TP63: variants seen among roughly 807,000 people sequenced by gnomAD.
The protein encoded by TP63 is tumor protein p63.
Under a neutral mutation model 82.8 loss-of-function variants are expected in TP63, and 17 were observed. The ratio of observed to expected loss-of-function variants is 0.21; its 90% CI spans 0.14 to 0.31. TP63 has a LOEUF of 0.31. Ranked by LOEUF, TP63 falls within the 10% of genes least tolerant of loss-of-function variation. The probability of loss-of-function intolerance (pLI) is 1.00; values close to 1 mark genes in which losing one functional copy is unlikely to be tolerated. For missense variants in TP63, 648 were observed against 895.3 expected, an observed-to-expected ratio of 0.72 and a Z score of 3.52; for synonymous variants, 330 against 321.7, an observed-to-expected ratio of 1.03 and a Z score of -0.28.
At chr3:189,854,394 C>T (rs1352447258) in intron 4 of TP63, among the ~76,000 whole-genome samples, 1 of 151,874 alleles carries the variant, frequency 6.6e-6, no homozygotes, top group African/African-American at 2.4e-5. Flanking sequence ...CCACGCCCAG[C>T]TAATTTTTTT....
At chr3:189,842,831 A>G (rs1022309273) in intron 4 of TP63, among the ~76,000 whole-genome samples, 3 of 152,128 alleles carry the variant, frequency 2.0e-5, no homozygotes, top group Admixed American at 6.5e-5. Context: ...CCTTAACACG[A>G]GTACCTGCTG....
chr3:189,879,968 C>T (rs1719722968), intron 10 of TP63: 1 of 1,487,898 alleles, frequency 6.7e-7, no homozygotes, highest in African/African-American at 1.4e-5. Flanking sequence ...ATACTATGAT[C>T]ATGAAGGTAT....
chr3:189,819,813 G>A (rs1008740106), intron 4 of TP63, among the ~76,000 whole-genome samples: 5 of 130,318 alleles, frequency 3.8e-5, no homozygotes, highest in African/African-American at 1.4e-4. Flanking sequence ...GTGCAGTGGT[G>A]CCACCTGAGC....
At chr3:189,806,039 A>ATT (rs1726852428) in intron 3 of TP63, among the ~76,000 whole-genome samples, 1 of 54,840 alleles carries the variant, frequency 1.8e-5, no homozygotes, top group African/African-American at 9.4e-5. Flanking sequence ...AGAAGCAAAC[A>ATT]CTTTTTTTTT....
At chr3:189,773,605 T>C (rs1011075633) in intron 3 of TP63, among the ~76,000 whole-genome samples, 1 of 152,224 alleles carries the variant, frequency 6.6e-6, no homozygotes, top group Non-Finnish European at 1.5e-5. Flanking sequence ...GCCACATTAT[T>C]TTTTTAGGTA....
At chr3:189,655,744 G>A (rs1184144874) in intron 1 of TP63, among the ~76,000 whole-genome samples, 1 of 152,218 alleles carries the variant, frequency 6.6e-6, no homozygotes, top group Non-Finnish European at 1.5e-5. Context: ...AATTGTTTGA[G>A]GCTGTGTAGA....
intron 10 of TP63, among the ~76,000 whole-genome samples, chr3:189,875,306 G>A (rs941464193): frequency 5.3e-5 from 8 of 151,688 alleles, no homozygotes; most frequent in East Asian, 2.0e-4. Context: ...GGTGGCTCAC[G>A]CCTGTAATCC....
rs751236053 is a variant in TP63, at chr3:189,738,627, T to C, written c.192-15T>C. 10 of 1,614,062 alleles carry C rather than the reference T, an allele frequency of 6.2e-6. No homozygotes were observed. Among genetic ancestry groups the C allele is most frequent in the Non-Finnish European group, 8.5e-6 (10 of 1,179,986 alleles). ...TTTCCATGCCTAACTCACTTTTTTC[T>C]TTCCTATGTGTTAGGCCTATATGTT... On this transcript the variant is annotated splice_polypyrimidine_tract_variant and intron_variant, in intron 2 of 13. Transcript: ENST00000264731.
At chr3:189,725,403 A>G (rs1719698789) in intron 1 of TP63, among the ~76,000 whole-genome samples, 1 of 152,212 alleles carries the variant, frequency 6.6e-6, no homozygotes, top group African/African-American at 2.4e-5. Context: ...AAAAATTAAT[A>G]TATAAAAGGA....
chr3:189,738,613 A>G (rs1560147414), intron 2 of TP63, 29 bp from the exon 3 acceptor site: 2 of 1,613,628 alleles, frequency 1.2e-6, no homozygotes, highest in Non-Finnish European at 1.7e-6. Flanking sequence ...TTCCATGCCT[A>G]ACTCACTTTT....
intron 1 of TP63, among the ~76,000 whole-genome samples, chr3:189,658,517 A>G (rs918681463): frequency 6.6e-6 from 1 of 152,048 alleles, no homozygotes; most frequent in Non-Finnish European, 1.5e-5. Flanking sequence ...TGACAATTCA[A>G]GTAGATAGTA....
intron 4 of TP63, among the ~76,000 whole-genome samples, chr3:189,820,407 C>T (rs1348631170): frequency 1.3e-5 from 2 of 152,154 alleles, no homozygotes; most frequent in Non-Finnish European, 2.9e-5. Flanking sequence ...AATGTTTCTC[C>T]TTGCACAAGC....
At chr3:189,721,205 T>A (rs1408574218) in intron 1 of TP63, among the ~76,000 whole-genome samples, 1 of 152,180 alleles carries the variant, frequency 6.6e-6, no homozygotes, top group Non-Finnish European at 1.5e-5. Context: ...GTGAATAGAT[T>A]TTCTCAGATG....
At chr3:189,879,358 A>G (rs1223482351) in intron 10 of TP63, among the ~76,000 whole-genome samples, 1 of 152,186 alleles carries the variant, frequency 6.6e-6, no homozygotes, top group African/African-American at 2.4e-5. Context: ...TGGTGTAAAT[A>G]ATTTCTTAAT....
the TP63 span, among the ~76,000 whole-genome samples, chr3:189,597,472 G>T: frequency 2.6e-5 from 4 of 152,162 alleles, no homozygotes; most frequent in African/African-American, 9.7e-5. Context: ...ATATTATGTA[G>T]AATCTCAAAG....
chr3:189,868,112 CAAAG>C (rs549847712), intron 7 of TP63, among the ~76,000 whole-genome samples, 170 bp downstream of exon 7: 123 of 152,072 alleles, frequency 8.1e-4, no homozygotes, highest in African/African-American at 2.9e-3. Context: ...AAAGTGGAGA[CAAAG>C]GAAGGTGGGT....
chr3:189,691,232 G>A (rs961614214), intron 1 of TP63, among the ~76,000 whole-genome samples: 2 of 150,994 alleles, frequency 1.3e-5, no homozygotes, highest in African/African-American at 2.4e-5. Context: ...CCAGCTACTC[G>A]GGAGGCTGAC....
At chr3:189,643,325 T>A (rs980872873) in intron 1 of TP63, among the ~76,000 whole-genome samples, 9 of 152,214 alleles carry the variant, frequency 5.9e-5, no homozygotes, top group African/African-American at 1.9e-4. Flanking sequence ...TTGAGGACAG[T>A]CTATTCTCCC....
In TP63 at chr3:189,846,818, C is replaced by G. The variant is rs891244910; in HGVS notation, c.580-17414C>G. ...TCTCCTGCCTCAGACTTCTGAGTAG[C>G]AGAGATTACAGGTGTGCATCACCAC... On this transcript the variant is annotated intron_variant, in intron 4 of 13. Transcript: ENST00000264731. 5.3e-5 allele frequency among the ~76,000 whole-genome samples: 8 copies of G among 150,480 alleles called. No homozygotes were observed. The Middle Eastern group carries it at 0.01, about 195-fold the overall frequency.
Sources: allele counts gnomAD v4.1 joint callset (sites outside exome capture counted in the v4.1 genomes callset), GRCh38; gene constraint gnomAD v4.1.1; transcripts MANE v1.5; gene names NCBI Gene and HGNC (gene_info 2026-07-23, HGNC 2026-07-21).